The following BRINP3 variants were observed in gnomAD, a reference collection of about 807,000 sequenced individuals.
The protein encoded by BRINP3 is BMP/retinoic acid inducible neural specific 3.
Under a neutral mutation model 71.0 loss-of-function variants are expected in BRINP3, and 19 were observed. The observed-to-expected ratio is 0.27, with a 90% confidence interval of 0.19 to 0.39. The LOEUF is 0.39. BRINP3 is among the 10% of genes least tolerant of loss of function. BRINP3 has a pLI of 1.00. For missense variants in BRINP3, 959 were observed against 940.8 expected, an observed-to-expected ratio of 1.02 and a Z score of -0.25; for synonymous variants, 380 against 337.7, an observed-to-expected ratio of 1.13 and a Z score of -1.37.
At chr1:190,143,764 T>G (rs1047433207) in intron 7 of BRINP3, among the ~76,000 whole-genome samples, 3 of 152,158 alleles carry the variant, frequency 2.0e-5, no homozygotes, top group Non-Finnish European at 4.4e-5. Flanking sequence ...CCATGACTAT[T>G]TTAAGTCATT....
At chr1:190,204,795 T>A (rs1298518246) in intron 6 of BRINP3, among the ~76,000 whole-genome samples, 2 of 152,040 alleles carry the variant, frequency 1.3e-5, no homozygotes, top group Non-Finnish European at 2.9e-5. Context: ...AAGTTAAATA[T>A]AAAATGGTTC....
At chr1:190,469,824 T>C (rs527596743) in intron 1 of BRINP3, among the ~76,000 whole-genome samples, 2 of 151,242 alleles carry the variant, frequency 1.3e-5, no homozygotes, top group South Asian at 4.1e-4. Flanking sequence ...TAAGGTATTA[T>C]ATAGAACCCA....
At chr1:190,302,163 C>G (rs967873403) in intron 2 of BRINP3, among the ~76,000 whole-genome samples, 8 of 150,410 alleles carry the variant, frequency 5.3e-5, no homozygotes, top group East Asian at 3.9e-4. Context: ...CATTATTATT[C>G]CCCAAAGACC....
chr1:190,240,809 T>C (rs946207516), intron 4 of BRINP3, among the ~76,000 whole-genome samples: 1 of 139,802 alleles, frequency 7.2e-6, no homozygotes, highest in South Asian at 2.2e-4. Flanking sequence ...GAGGCGGAGA[T>C]TGCAGTGAGC....
chr1:190,109,593 G>C (rs1032128323), intron 7 of BRINP3, among the ~76,000 whole-genome samples: 11 of 152,220 alleles, frequency 7.2e-5, no homozygotes, highest in African/African-American at 2.4e-4. Flanking sequence ...GTTTCCAGAA[G>C]AGATTACCAT....
intron 4 of BRINP3, among the ~76,000 whole-genome samples, chr1:190,254,911 C>G (rs563014112): frequency 5.3e-5 from 8 of 152,116 alleles, no homozygotes; most frequent in African/African-American, 1.7e-4. Context: ...CTGAGTTTGC[C>G]ATAAATAACT....
intron 2 of BRINP3, among the ~76,000 whole-genome samples, chr1:190,319,833 G>A (rs577083344): frequency 8.5e-4 from 130 of 152,056 alleles, no homozygotes; most frequent in Non-Finnish European, 1.2e-3. Flanking sequence ...ATTTGGATGG[G>A]GACAAAGATC....
chr1:190,375,719 T>C (rs1292534180), intron 2 of BRINP3, among the ~76,000 whole-genome samples: 1 of 151,968 alleles, frequency 6.6e-6, no homozygotes, highest in Non-Finnish European at 1.5e-5. Flanking sequence ...TACACATGTA[T>C]GGAAATTCAA....
chr1:190,129,689 T>C (rs1654375729), intron 7 of BRINP3, among the ~76,000 whole-genome samples: 2 of 151,978 alleles, frequency 1.3e-5, no homozygotes, highest in Non-Finnish European at 2.9e-5. Flanking sequence ...GCAGTCTTTA[T>C]TATTCCGTTA....
chr1:190,285,274 T>C (rs1284544371), intron 2 of BRINP3, among the ~76,000 whole-genome samples: 2 of 152,122 alleles, frequency 1.3e-5, no homozygotes, highest in African/African-American at 4.8e-5. Context: ...GAATACAAGA[T>C]AAGACATTAC....
At chr1:190,262,645 G>A (rs76939778) in intron 4 of BRINP3, among the ~76,000 whole-genome samples, 78 of 152,142 alleles carry the variant, frequency 5.1e-4, no homozygotes, top group Middle Eastern at 3.4e-3. Context: ...CATGGTTAAC[G>A]GACAATGGGC....
intron 2 of BRINP3, among the ~76,000 whole-genome samples, chr1:190,338,140 T>C (rs1300563133): frequency 1.3e-5 from 2 of 152,108 alleles, no homozygotes; most frequent in Admixed American, 1.3e-4. Context: ...GACATTTTAG[T>C]AACTTAAGCA....
At chr1:190,282,549 A>G (rs2102940065) in intron 2 of BRINP3, among the ~76,000 whole-genome samples, 1 of 152,160 alleles carries the variant, frequency 6.6e-6, no homozygotes, top group Admixed American at 6.6e-5. Flanking sequence ...CATTAGGCTT[A>G]ATACTTCAAA....
intron 1 of BRINP3, among the ~76,000 whole-genome samples, chr1:190,467,803 C>A (rs1036345129): frequency 6.6e-6 from 1 of 151,278 alleles, no homozygotes; most frequent in African/African-American, 2.4e-5. Flanking sequence ...GAAAAGTAAA[C>A]CATTTTTAAA....
chr1:190,191,357 C>T (rs1423692078), intron 6 of BRINP3, among the ~76,000 whole-genome samples: 1 of 151,944 alleles, frequency 6.6e-6, no homozygotes, highest in Non-Finnish European at 1.5e-5. Context: ...ATACGTGTGC[C>T]ATGGTAGTTT....
chr1:190,253,707 T>C (rs1334535967), intron 4 of BRINP3, among the ~76,000 whole-genome samples: 3 of 152,198 alleles, frequency 2.0e-5, no homozygotes, highest in Admixed American at 6.5e-5. Context: ...TTGCAAAAAT[T>C]TTCTCCCATT....
At chr1:190,129,398 A>G (rs555916597) in intron 7 of BRINP3, among the ~76,000 whole-genome samples, 58 of 152,032 alleles carry the variant, frequency 3.8e-4, no homozygotes, top group African/African-American at 1.4e-3. Context: ...TTGGTCATCT[A>G]CATGCAAATA....
At chr1:190,299,211 T>C (rs1201062821) in intron 2 of BRINP3, among the ~76,000 whole-genome samples, 1 of 152,078 alleles carries the variant, frequency 6.6e-6, no homozygotes. Flanking sequence ...GTGTGTTTTT[T>C]TCATAGACAG....
At chr1:190,165,008 A>G (rs1023583225) in intron 6 of BRINP3, among the ~76,000 whole-genome samples, 3 of 152,186 alleles carry the variant, frequency 2.0e-5, no homozygotes, top group Non-Finnish European at 4.4e-5. Context: ...AGTAGAAATG[A>G]CAATGCAATA....
Sources: allele counts gnomAD v4.1 joint callset (sites outside exome capture counted in the v4.1 genomes callset), GRCh38; gene constraint gnomAD v4.1.1; transcripts MANE v1.5; gene names NCBI Gene and HGNC (gene_info 2026-07-23, HGNC 2026-07-21).